LUZP2: variants seen among roughly 807,000 people sequenced by gnomAD.
The protein encoded by LUZP2 is leucine zipper protein 2.
A neutral mutation model predicts 51.6 loss-of-function variants in LUZP2; 52 were observed. The observed-to-expected ratio is 1.01, with a 90% CI of 0.81 to 1.27. LUZP2 has a LOEUF of 1.27. Among genes scored for constraint, LUZP2 ranks in the 50% most tolerant of loss-of-function variants. The pLI is 0.00. For synonymous variants in LUZP2, 154 were observed against 137.3 expected, an observed-to-expected ratio of 1.12 and a Z score of -0.85; for missense variants, 436 against 395.4, an observed-to-expected ratio of 1.10 and a Z score of -0.87.
intron 4 of LUZP2, among the ~76,000 whole-genome samples, chr11:24,745,673 TTTG>T (rs1484265590): frequency 2.0e-5 from 3 of 148,386 alleles, no homozygotes; most frequent in Non-Finnish European, 4.6e-5. Context: ...TGTTGTTTGA[TTTG>T]TTTTGTTTTG....
rs555885549 is a variant in LUZP2 at position 24,977,682 on chromosome 11, C to T, written c.597+1017C>T. Among the ~76,000 whole-genome samples, 5 of 151,496 alleles carry T rather than the reference C, an allele frequency of 3.3e-5. No homozygotes were observed. The South Asian group carries it at 1.0e-3, about 31-fold the overall frequency. ...TGCTTTACATATGTATGTATACATA[C>T]ATTAGATATAGGTAATAAATATATG... On this transcript the variant is annotated intron_variant, in intron 8 of 11. Transcript: ENST00000336930.
chr11:24,912,658 A>C (rs1278899856), intron 6 of LUZP2, among the ~76,000 whole-genome samples: 1 of 152,044 alleles, frequency 6.6e-6, no homozygotes, highest in Non-Finnish European at 1.5e-5. Flanking sequence ...AAATACAAAA[A>C]AATTAGTCTG....
intron 1 of LUZP2, among the ~76,000 whole-genome samples, chr11:24,648,342 C>T (rs940778942): frequency 1.3e-5 from 2 of 151,822 alleles, no homozygotes; most frequent in African/African-American, 4.8e-5. Context: ...AGTTCTTACT[C>T]TCCTTTCCCC....
At chr11:24,533,975 T>C (rs1851092598) in intron 1 of LUZP2, among the ~76,000 whole-genome samples, 1 of 151,336 alleles carries the variant, frequency 6.6e-6, no homozygotes, top group African/African-American at 2.4e-5. Flanking sequence ...AATCACTCCT[T>C]AGGCTCCTTT....
At chr11:24,824,662 CAATAAAGCCCTA>C (rs1231994152) in intron 5 of LUZP2, among the ~76,000 whole-genome samples, 1 of 151,786 alleles carries the variant, frequency 6.6e-6, no homozygotes, top group African/African-American at 2.4e-5. Flanking sequence ...CAAATTCCCC[CAATAAAGCCCTA>C]CACATATTTA....
Position 25,074,397 on chromosome 11 carries a change from T to A in LUZP2, c.859-2932T>A, listed in dbSNP as rs139191223. On this transcript the variant is annotated intron_variant, in intron 10 of 11. Coordinates refer to ENST00000336930, the MANE Select transcript of LUZP2 (RefSeq NM_001009909.4). ...ACGCACAGAAAGAGTAAATTTAAAG[T>A]TGCTATTCATTGTAAGATAAAAGTA... Among the ~76,000 whole-genome samples, 819 of 152,296 alleles carry A rather than the reference T, an allele frequency of 5.4e-3. 9 individuals carry two copies. The highest frequency in any genetic ancestry group is 0.019 in the African/African-American group (779 of 41,572).
At chr11:24,847,099 A>C (rs1052325666) in intron 5 of LUZP2, among the ~76,000 whole-genome samples, 1 of 151,866 alleles carries the variant, frequency 6.6e-6, no homozygotes, top group Non-Finnish European at 1.5e-5. Flanking sequence ...TTGAAAACAC[A>C]TTACAGGTAT....
chr11:24,991,366 G>A, intron 9 of LUZP2, among the ~76,000 whole-genome samples: 4 of 130,758 alleles, frequency 3.1e-5, no homozygotes, highest in African/African-American at 1.1e-4. Flanking sequence ...ATATATGTGT[G>A]TGTATATATA....
intron 1 of LUZP2, among the ~76,000 whole-genome samples, chr11:24,659,272 G>A (rs1342298933): frequency 1.3e-5 from 2 of 152,092 alleles, no homozygotes; most frequent in East Asian, 1.9e-4. Flanking sequence ...TCCTTTGTAG[G>A]GACATGGATG....
At chr11:24,930,630 A>G (rs1854418257) in intron 7 of LUZP2, among the ~76,000 whole-genome samples, 1 of 152,144 alleles carries the variant, frequency 6.6e-6, no homozygotes, top group African/African-American at 2.4e-5. Flanking sequence ...AGGTTACCTG[A>G]TGCTTTTGCC....
At chr11:24,878,019 T>A (rs1424014398) in intron 5 of LUZP2, among the ~76,000 whole-genome samples, 1 of 152,076 alleles carries the variant, frequency 6.6e-6, no homozygotes, top group African/African-American at 2.4e-5. Flanking sequence ...TGATGGACAC[T>A]TAGGTTGTAA....
At chr11:24,788,180 A>ATTTTTTTTTT (rs61308017) in intron 5 of LUZP2, among the ~76,000 whole-genome samples, 2 of 83,402 alleles carry the variant, frequency 2.4e-5, no homozygotes, top group Admixed American at 1.8e-4. Context: ...TTTGTTTTTA[A>ATTTTTTTTTT]TTTTTTTTTT....
intron 9 of LUZP2, among the ~76,000 whole-genome samples, chr11:25,024,929 T>C (rs1267175372): frequency 2.0e-5 from 3 of 150,174 alleles, no homozygotes; most frequent in Non-Finnish European, 4.4e-5. Context: ...AACAGCATGG[T>C]ACTGGTACCA....
intron 5 of LUZP2, among the ~76,000 whole-genome samples, chr11:24,842,760 G>A (rs1851077746): frequency 6.6e-6 from 1 of 151,766 alleles, no homozygotes; most frequent in African/African-American, 2.4e-5. Flanking sequence ...TATATGTAAT[G>A]TTATTATATA....
chr11:24,662,177 A>C (rs1271099135), intron 1 of LUZP2, among the ~76,000 whole-genome samples: 1 of 152,200 alleles, frequency 6.6e-6, no homozygotes, highest in Admixed American at 6.6e-5. Flanking sequence ...ATAAATACTT[A>C]AACAAGGAGT....
At chr11:24,937,047 AACAC>A (rs138164177) in intron 7 of LUZP2, among the ~76,000 whole-genome samples, 20 of 149,680 alleles carry the variant, frequency 1.3e-4, no homozygotes, top group East Asian at 2.0e-4. Context: ...TGCAATGAGA[AACAC>A]ACACACACAC....
At chr11:24,984,049 T>A (rs896779582) in intron 9 of LUZP2, among the ~76,000 whole-genome samples, 10 of 151,650 alleles carry the variant, frequency 6.6e-5, no homozygotes, top group African/African-American at 2.4e-4. Context: ...GAGCCAGAAA[T>A]AATCTTTGGG....
chr11:24,551,470 G>A lies in LUZP2; in HGVS notation c.62+54165G>A, dbSNP rs558714536. On this transcript the variant is annotated intron_variant, in intron 1 of 11. Transcript: ENST00000336930. ...GAGAATGGTGAATAACTGTTTAAGG[G>A]TACAGGGTTCCTTTTAGTGGTGTTG... Among the ~76,000 whole-genome samples, 20 of 152,080 alleles carry A rather than the reference G, an allele frequency of 1.3e-4. No individual in the cohort carries two copies. The South Asian group carries it at 4.1e-3, about 32-fold the overall frequency.
At chr11:24,657,174 T>C (rs186044177) in intron 1 of LUZP2, among the ~76,000 whole-genome samples, 96 of 152,268 alleles carry the variant, frequency 6.3e-4, no homozygotes, top group Admixed American at 4.9e-3. Context: ...AGTAGTCATG[T>C]TGAGAGATAA....
Sources: allele counts gnomAD v4.1 joint callset (sites outside exome capture counted in the v4.1 genomes callset), GRCh38; gene constraint gnomAD v4.1.1; transcripts MANE v1.5; gene names NCBI Gene and HGNC (gene_info 2026-07-23, HGNC 2026-07-21).